The following INPPL1 variants were observed in gnomAD, a reference collection of about 807,000 sequenced individuals.
INPPL1 encodes the protein inositol polyphosphate phosphatase like 1, also known as phosphatidylinositol 3,4,5-trisphosphate 5-phosphatase 2.
In INPPL1, 91 loss-of-function variants were observed where a neutral mutation model predicts 139.3. The observed-to-expected ratio is 0.65, with a 90% CI of 0.55 to 0.78. The LOEUF (loss-of-function observed/expected upper bound fraction) is 0.78, where lower values mean the gene tolerates loss of function less well. Among genes scored for constraint, INPPL1 ranks in the 30% least tolerant of loss-of-function variants. The pLI is 0.00. For missense variants in INPPL1, 1,411 were observed against 1,665.6 expected (o/e 0.85, Z 2.66); for synonymous variants, 719 against 686.6 (o/e 1.05, Z -0.74).
At chr11:72,236,782 G>A (rs181612313) in intron 25 of INPPL1, among the ~76,000 whole-genome samples, 1 of 152,298 alleles carries the variant, frequency 6.6e-6, no homozygotes, top group Admixed American at 6.5e-5. Flanking sequence ...TGCCTCAAGA[G>A]GCTTTCCAAA....
intron 1 of INPPL1, chr11:72,227,989 G>A: frequency 6.8e-6 from 3 of 438,118 alleles, no homozygotes; most frequent in South Asian, 5.1e-5. Context: ...GGGTGTTCTG[G>A]TCATTCCTGC....
Position 72,231,105 on chromosome 11 carries a change from C to A in INPPL1, c.1413C>A (p.Thr471=), listed in dbSNP as rs777233012. 1 of 1,613,986 alleles carries A rather than the reference C, an allele frequency of 6.2e-7. No individual in the cohort carries two copies. The highest frequency in any genetic ancestry group is 1.1e-5 in the South Asian group (1 of 91,074). ...CCCATGACATCTATGTCTTTGGGAC[C>A]CAGGAGAACTCAGTGGGCGACCGCG... ...TIPHDIYVFG[T]QENSVGDREW... The change falls in exon 12 of 28, where the codon ACC becomes ACA. Residue 471 remains threonine, a synonymous_variant. Coordinates refer to ENST00000298229, the MANE Select transcript of INPPL1 (RefSeq NM_001567.4).
Position 72,234,688 on chromosome 11 carries a change from C to G in INPPL1, c.2415+73C>G. ...GGGTACATAAGAGTTTATTGGAGAG[C>G]CTGCCTGGGAGGGAGTGTGGGGCCA... On this transcript the variant is annotated intron_variant, in intron 21 of 27. Transcript: ENST00000298229. This position sits in a 1 kb window ranked among gnomAD's most constrained non-coding sequence, Gnocchi z 4.2. The G allele has an allele frequency of 9.3e-7, 1 of 1,078,302 alleles. No homozygotes were observed. Among genetic ancestry groups the G allele is most frequent in the Non-Finnish European group, 1.4e-6 (1 of 711,770 alleles). The allele number at this position is 1,078,302 out of a possible 1,614,324, so 66.8% of individuals were successfully genotyped here.
At chr11:72,237,915 G>A (rs896382900) in intron 26 of INPPL1, 119 bp downstream of exon 26, 16 of 1,441,946 alleles carry the variant, frequency 1.1e-5, no homozygotes, top group South Asian at 1.4e-5. Context: ...TGATCACTGG[G>A]AAGTTGGGAG....
At position 72,228,794 on chromosome 11, in the gene INPPL1, G is replaced by A. The variant is rs760197203; in HGVS notation, c.465G>A (p.Gly155=). ...SGSTSISAPT[G]PSSPLPAPET... ...CCACCAGCATTTCTGCCCCCACTGG[G>A]CCCAGCAGTCCCCTGCCAGCTCCTG... Residue 155 remains glycine (G), a synonymous_variant, in exon 4 of 28, where the codon GGG becomes GGA. Transcript: ENST00000298229. The surrounding 1 kb of genome is among the most constrained non-coding windows in gnomAD (Gnocchi z 5.0). The A allele has an allele frequency of 2.9e-5, 46 of 1,612,702 alleles. No individual in the cohort carries two copies. The highest frequency in any genetic ancestry group is 3.8e-5 in the Non-Finnish European group (45 of 1,179,440).
In INPPL1 at chr11:72,232,282, C is replaced by T. The variant is rs558207388; in HGVS notation, c.1658C>T (p.Thr553Ile). 6 of 1,556,988 alleles carry T rather than the reference C, an allele frequency of 3.9e-6. No homozygotes were observed. In the African/African-American group the frequency reaches 4.1e-5, roughly 11 times the overall value. The change falls in exon 14 of 28, where the codon ACC becomes ATC. Residue 553 changes from threonine (T) to isoleucine (I), a missense_variant. Thr to Ile is a moderately conservative substitution (Grantham distance 89). Coordinates refer to ENST00000298229, the MANE Select transcript of INPPL1 (RefSeq NM_001567.4). Reference protein sequence around the residue: ...AVGVSFMFNGTSFGFVNCHLT... With the variant: ...AVGVSFMFNGISFGFVNCHLT... ...GGCGTCTCCTTCATGTTTAATGGCA[C>T]CTCATTTGGCTTTGTGAATTGTCAC...
chr11:72,231,407 T>G, intron 12 of INPPL1, 91 bp from the exon 13 acceptor site: 1 of 1,117,814 alleles, frequency 8.9e-7, no homozygotes, highest in African/African-American at 1.5e-5. Context: ...CTTCCTACCC[T>G]GTGATGGACA....
At chr11:72,226,650 A>G (rs190014826) in intron 1 of INPPL1, among the ~76,000 whole-genome samples, 17 of 152,312 alleles carry the variant, frequency 1.1e-4, no homozygotes, top group South Asian at 1.0e-3. Flanking sequence ...AGCCTAGGCA[A>G]TTGACCCAAC....
Position 72,238,483 on chromosome 11 carries a change from T to A in INPPL1, c.*130T>A, listed in dbSNP as rs1034607525. The A allele has an allele frequency of 2.7e-5, 19 of 700,486 alleles. No individual in the cohort carries two copies. Among genetic ancestry groups the A allele is most frequent in the South Asian group, 5.1e-5 (2 of 39,428 alleles). 43.4% of individuals were successfully genotyped at this position (700,486 alleles called of 1,614,324 possible). A position where few individuals can be genotyped will look rare whatever the true frequency, so the allele number is the denominator to read the frequency against. On this transcript the variant is annotated 3_prime_UTR_variant, in exon 28 of 28. Coordinates refer to ENST00000298229, the MANE Select transcript of INPPL1 (RefSeq NM_001567.4). ...CTGCCTATTTATTGGGGTGCCTATT[T>A]ATTGGGGATCTGCATTCCCCGCTGC...
At chr11:72,231,675 T>C (rs1948839742) in intron 13 of INPPL1, 60 bp downstream of exon 13, 1 of 1,222,478 alleles carries the variant, frequency 8.2e-7, no homozygotes, top group East Asian at 2.3e-5. Flanking sequence ...GGCTTCTGCT[T>C]CCTCTCAAGC....
chr11:72,237,562 C>T lies in INPPL1; in HGVS notation c.3318C>T (p.Ala1106=). 1 of 1,598,586 alleles carries T rather than the reference C, an allele frequency of 6.3e-7. No individual in the cohort carries two copies. The highest frequency in any genetic ancestry group is 8.5e-7 in the Non-Finnish European group (1 of 1,169,972). Residue 1106 remains alanine, a synonymous_variant, in exon 26 of 28, where the codon GCC becomes GCT. Coordinates refer to ENST00000298229, the MANE Select transcript of INPPL1 (RefSeq NM_001567.4). ...CACTGCCCCCAGGCCCCTCACCAGC[C>T]AGCACTTTCCTGGGGGAAGTGGCCA... The part of the protein sequence containing the change: ...RPPLPPGPSP[A]STFLGEVASG...
intron 1 of INPPL1, 82 bp downstream of exon 1, chr11:72,225,248 G>A (rs934464302): frequency 6.2e-5 from 76 of 1,222,740 alleles, no homozygotes; most frequent in Non-Finnish European, 7.7e-5. Context: ...CCCGGGTGAG[G>A]GTTTCTGGGG....
chr11:72,232,589 G>A (rs1164714741), intron 14 of INPPL1, 37 bp from the exon 15 acceptor site: 2 of 1,606,992 alleles, frequency 1.2e-6, no homozygotes, highest in East Asian at 4.5e-5. Context: ...CTGACCCTGG[G>A]GATCTACCCC....
At position 72,236,016 on chromosome 11, in the gene INPPL1, C is replaced by A. The variant is rs779260193; in HGVS notation, c.2879+30C>A. 9.3e-6 allele frequency: 12 copies of A among 1,297,164 alleles called. No individual in the cohort carries two copies. The East Asian group carries it at 2.6e-4, about 28-fold the overall frequency. 80.4% of individuals were successfully genotyped at this position (1,297,164 alleles called of 1,614,324 possible). A position where few individuals can be genotyped will look rare whatever the true frequency, so the allele number is the denominator to read the frequency against. ...GAGGAGGAACCTGTCACCGCCCCCCCTTCCCCCACCCACCTCTATCCATCA... is the reference window on the plus strand; with the variant it reads ...GAGGAGGAACCTGTCACCGCCCCCCATTCCCCCACCCACCTCTATCCATCA... On this transcript the variant is annotated intron_variant, in intron 25 of 27. Transcript: ENST00000298229.
At chr11:72,225,253 C>T in intron 1 of INPPL1, 87 bp downstream of exon 1, 1 of 1,222,150 alleles carries the variant, frequency 8.2e-7, no homozygotes, top group Non-Finnish European at 1.0e-6. Context: ...GTGAGGGTTT[C>T]TGGGGCGGTG....
In INPPL1 at chr11:72,234,732, AGTGTGTGTGTGTGTGTGT is replaced by A. The variant is rs112903949; in HGVS notation, c.2415+132_2415+149del. 63 of 528,412 alleles carry A rather than the reference AGTGTGTGTGTGTGTGTGT, an allele frequency of 1.2e-4. No homozygotes were observed. Among genetic ancestry groups the A allele is most frequent in the Non-Finnish European group, 2.3e-5 (7 of 298,680 alleles). The allele number at this position is 528,412 out of a possible 1,614,324, so 32.7% of individuals were successfully genotyped here. Reference sequence around the variant, plus strand: ...GGGGCCAGCAGAGAGAGAGAGAGAGAGTGTGTGTGTGTGTGTGTGTGTGTGTGTGTGTATGGGCATGGG... The same window carrying A: ...GGGGCCAGCAGAGAGAGAGAGAGAGAGTGTGTGTGTGTGTATGGGCATGGG... On this transcript the variant is annotated intron_variant, in intron 21 of 27. Transcript: ENST00000298229. The surrounding 1 kb of genome is among the most constrained non-coding windows in gnomAD (Gnocchi z 4.2).
intron 1 of INPPL1, chr11:72,227,903 A>C (rs1322073565): frequency 5.8e-5 from 28 of 481,928 alleles, no homozygotes; most frequent in Admixed American, 1.0e-4. Flanking sequence ...TGGAGGCCAC[A>C]AAAGAGCTCC....
chr11:72,234,519 C>G lies in INPPL1; in HGVS notation c.2327-8C>G, dbSNP rs1357457840. ...TGCTCAGTTGGGTGTCTCCCACCCC[C>G]ACCCCAGAATACAAGAAGAGCTTTG... On this transcript the variant is annotated splice_region_variant and splice_polypyrimidine_tract_variant and intron_variant, in intron 20 of 27. Coordinates refer to ENST00000298229, the MANE Select transcript of INPPL1 (RefSeq NM_001567.4). This position sits in a 1 kb window ranked among gnomAD's most constrained non-coding sequence, Gnocchi z 4.2. The G allele has an allele frequency of 1.2e-6, 2 of 1,605,552 alleles. No homozygotes were observed. The highest frequency in any genetic ancestry group is 1.7e-6 in the Non-Finnish European group (2 of 1,172,454).
chr11:72,236,053 AGGG>A (rs1480541865), intron 25 of INPPL1, 67 bp downstream of exon 25: 69 of 856,524 alleles, frequency 8.1e-5, no homozygotes, highest in Non-Finnish European at 1.1e-4. Context: ...TATCCCCTGC[AGGG>A]TCTCAGGGTT....
Sources: gnomAD v4.1 joint callset for allele counts (sites outside exome capture counted in the v4.1 genomes callset) on GRCh38, gnomAD v4.1.1 for gene constraint, Gnocchi (gnomAD v3.1) non-coding constraint, MANE v1.5 for transcripts, NCBI Gene and HGNC (gene_info 2026-07-23, HGNC 2026-07-21) for gene names.